Variants in PUM1 observed in about 807,000 individuals in gnomAD.
The protein encoded by PUM1 is pumilio RNA binding family member 1, also known as pumilio homolog 1.
In PUM1, 13 loss-of-function variants were observed where a neutral mutation model predicts 131.8. The observed-to-expected ratio is 0.10, with a 90% CI of 0.06 to 0.16. PUM1 has a LOEUF of 0.16. Ranked by LOEUF, PUM1 falls within the 10% of genes least tolerant of loss-of-function variation. PUM1 has a pLI of 1.00. For synonymous variants in PUM1, 509 were observed against 556.5 expected (o/e 0.91, Z 1.20); for missense variants, 961 against 1,512.4 (o/e 0.64, Z 6.05).
chr1:31,048,770 G>A (rs988849032), intron 2 of PUM1, among the ~76,000 whole-genome samples: 15 of 151,690 alleles, frequency 9.9e-5, no homozygotes, highest in African/African-American at 2.9e-4. Context: ...CACCATGCCC[G>A]GCCCATCAGG....
chr1:30,996,065 A>G (rs1228797816), intron 5 of PUM1, among the ~76,000 whole-genome samples: 1 of 152,228 alleles, frequency 6.6e-6, no homozygotes, highest in Non-Finnish European at 1.5e-5. Context: ...CTGGACATAT[A>G]AAGTACATGT....
intron 7 of PUM1, among the ~76,000 whole-genome samples, chr1:30,983,248 A>C (rs1476456880): frequency 6.6e-6 from 1 of 152,234 alleles, no homozygotes; most frequent in Non-Finnish European, 1.5e-5. Flanking sequence ...AAAACAGTAG[A>C]AAGTTACTTT....
rs1456537634 is a variant in PUM1, at chr1:30,974,774, A to G, written c.1383T>C (p.Tyr461=). 4 of 1,612,834 alleles carry G rather than the reference A, an allele frequency of 2.5e-6. No individual in the cohort carries two copies. Among genetic ancestry groups the G allele is most frequent in the East Asian group, 2.2e-5 (1 of 44,866 alleles). Residue 461 remains tyrosine, a synonymous_variant, in exon 10 of 22, where the codon TAT becomes TAC. Coordinates refer to ENST00000426105, the MANE Select transcript of PUM1 (RefSeq NM_001020658.2). ...GGTAGACTCCCCAGGGAGTAACTCC[A>G]TAATACTGGTGAGGGACCACAGCTG... ...LGPAVVPHQY[Y]GVTPWGVYPA...
chr1:30,937,035 G>C (rs1231770856), intron 20 of PUM1, among the ~76,000 whole-genome samples, 200 bp from the exon 21 acceptor site: 2 of 152,158 alleles, frequency 1.3e-5, no homozygotes, highest in Admixed American at 6.5e-5. Flanking sequence ...CCAATCGTAG[G>C]AAAGGGGGAA....
chr1:30,954,767 C>CA (rs775561074), intron 14 of PUM1, among the ~76,000 whole-genome samples: 3 of 152,112 alleles, frequency 2.0e-5, no homozygotes, highest in Non-Finnish European at 4.4e-5. Flanking sequence ...AAAGGCGTAT[C>CA]AAAACATATA....
intron 2 of PUM1, among the ~76,000 whole-genome samples, chr1:31,044,412 TA>T (rs1293117808): frequency 6.6e-6 from 1 of 151,422 alleles, no homozygotes; most frequent in Admixed American, 6.6e-5. Flanking sequence ...AAATAAAAAA[TA>T]AAAATAAATG....
At chr1:30,993,700 G>A (rs1054102816) in intron 6 of PUM1, among the ~76,000 whole-genome samples, 4 of 152,104 alleles carry the variant, frequency 2.6e-5, no homozygotes, top group Non-Finnish European at 4.4e-5. Flanking sequence ...GGATATTCAA[G>A]GTGGAGAGGA....
intron 2 of PUM1, among the ~76,000 whole-genome samples, chr1:31,045,117 G>C (rs1396048796): frequency 1.3e-5 from 2 of 150,586 alleles, no homozygotes; most frequent in Admixed American, 1.3e-4. Flanking sequence ...CACTTTAAAT[G>C]GATAAACTAC....
At chr1:30,940,472 T>C (rs1045592620) in intron 20 of PUM1, among the ~76,000 whole-genome samples, 2 of 152,172 alleles carry the variant, frequency 1.3e-5, no homozygotes, top group African/African-American at 4.8e-5. Context: ...CGTGACCCTG[T>C]CTCAAAAAAT....
At chr1:30,942,196 T>TAC (rs1639472944) in intron 18 of PUM1, 73 bp from the exon 19 acceptor site, 2 of 21,406 alleles carry the variant, frequency 9.3e-5, no homozygotes, top group African/African-American at 2.3e-4. Context: ...ATTGTTTATA[T>TAC]ATATATATAT....
chr1:31,022,655 C>T (rs995721934), intron 3 of PUM1, among the ~76,000 whole-genome samples: 1 of 152,154 alleles, frequency 6.6e-6, no homozygotes, highest in African/African-American at 2.4e-5. Flanking sequence ...TTTTGGGTCC[C>T]AGGAACTTCC....
intron 2 of PUM1, among the ~76,000 whole-genome samples, chr1:31,043,165 G>A (rs1643874187): frequency 1.3e-5 from 2 of 152,074 alleles, no homozygotes; most frequent in Admixed American, 6.6e-5. Context: ...AACTGGGTGG[G>A]GGAAGCAATT....
intron 1 of PUM1, among the ~76,000 whole-genome samples, chr1:31,063,874 A>G (rs1395078282): frequency 1.3e-5 from 2 of 152,218 alleles, no homozygotes; most frequent in African/African-American, 4.8e-5. Flanking sequence ...GTGAGCAAAT[A>G]CCTAAGCAAT....
In PUM1 at chr1:31,011,586, A is replaced by G. The variant is rs547098232; in HGVS notation, c.433-4484T>C. Among the ~76,000 whole-genome samples the G allele has an allele frequency of 1.3e-4, 20 of 152,364 alleles. 1 individual carries two copies. The highest frequency in any genetic ancestry group is 4.8e-4 in the African/African-American group (20 of 41,588). ...AAATGATAATGTGTTATCCAAGTAC[A>G]ATTTCAAATTCAACAGTAAGCTCTC... On this transcript the variant is annotated intron_variant, in intron 3 of 21. Coordinates refer to ENST00000426105, the MANE Select transcript of PUM1 (RefSeq NM_001020658.2).
intron 14 of PUM1, among the ~76,000 whole-genome samples, chr1:30,954,582 C>T (rs953127742): frequency 1.3e-5 from 2 of 152,122 alleles, no homozygotes; most frequent in Non-Finnish European, 2.9e-5. Flanking sequence ...CAGGAGATGC[C>T]TTAAAAATGA....
Position 30,933,058 on chromosome 1 carries a change from G to C in PUM1, c.*153C>G. ...TAAATTTACAAAGGCTTTTCCACTC[G>C]TGGATTTGATTCCTTTTTTGGAGGA... is the stretch of plus-strand genomic sequence containing the variant. On this transcript the variant is annotated 3_prime_UTR_variant, in exon 22 of 22. Coordinates refer to ENST00000426105, the MANE Select transcript of PUM1 (RefSeq NM_001020658.2). 1 of 922,032 alleles carries C rather than the reference G, an allele frequency of 1.1e-6. No individual in the cohort carries two copies. Among genetic ancestry groups the C allele is most frequent in the Non-Finnish European group, 1.6e-6 (1 of 627,970 alleles). The allele number at this position is 922,032 out of a possible 1,614,324, so 57.1% of individuals were successfully genotyped here.
At chr1:31,017,957 G>A (rs774088803) in intron 3 of PUM1, among the ~76,000 whole-genome samples, 18 of 152,194 alleles carry the variant, frequency 1.2e-4, no homozygotes, top group Non-Finnish European at 2.1e-4. Context: ...TAATCCAGAT[G>A]TGAAATGGTA....
At chr1:30,943,458 G>T (rs1162090713) in intron 18 of PUM1, among the ~76,000 whole-genome samples, 1 of 151,872 alleles carries the variant, frequency 6.6e-6, no homozygotes, top group Non-Finnish European at 1.5e-5. Context: ...CACCGTGTTG[G>T]CCAGGCTGGT....
At position 31,023,887 on chromosome 1, in the gene PUM1, C is replaced by T. The variant is rs1336861335; in HGVS notation, c.432+4909G>A. Among the ~76,000 whole-genome samples the T allele has an allele frequency of 2.0e-5, 3 of 148,174 alleles. No homozygotes were observed. The East Asian group carries it at 6.1e-4, about 30-fold the overall frequency. ...GAATTTGCAGTGAGCCAAGATCGCG[C>T]CACACTTCAGCCTGGTGACAGAGCG... On this transcript the variant is annotated intron_variant, in intron 3 of 21. Transcript: ENST00000426105.
Sources: gnomAD v4.1 joint callset for allele counts (sites outside exome capture counted in the v4.1 genomes callset) on GRCh38, gnomAD v4.1.1 for gene constraint, MANE v1.5 for transcripts, NCBI Gene and HGNC (gene_info 2026-07-23, HGNC 2026-07-21) for gene names.